Variants in DECR1 observed in about 807,000 individuals in gnomAD.
The protein encoded by DECR1 is 2,4-dienoyl-CoA reductase [(3E)-enoyl-CoA-producing], mitochondrial.
A neutral mutation model predicts 38.8 loss-of-function variants in DECR1; 44 were observed. The observed-to-expected ratio is 1.13, with a 90% CI of 0.89 to 1.46. The LOEUF is 1.46. Among genes scored for constraint, DECR1 ranks in the 40% most tolerant of loss-of-function variants. The pLI is 0.00. For missense variants in DECR1, 428 were observed against 405.5 expected, an observed-to-expected ratio of 1.06 and a Z score of -0.48; for synonymous variants, 148 against 135.2, an observed-to-expected ratio of 1.09 and a Z score of -0.66.
At chr8:90,029,832 C>T (rs773002985) in intron 5 of DECR1, among the ~76,000 whole-genome samples, 7 of 152,048 alleles carry the variant, frequency 4.6e-5, no homozygotes, top group East Asian at 1.9e-4. Flanking sequence ...TATACTAGCC[C>T]GTTTGACTGA....
intron 5 of DECR1, among the ~76,000 whole-genome samples, chr8:90,032,060 C>T (rs916317442): frequency 6.6e-6 from 1 of 151,986 alleles, no homozygotes; most frequent in African/African-American, 2.4e-5. Context: ...CAAGTAAATG[C>T]ACAGAGTTGC....
intron 8 of DECR1, among the ~76,000 whole-genome samples, chr8:90,046,898 T>G (rs146885499): frequency 0.043 from 6,501 of 152,156 alleles, 284 homozygotes; most frequent in East Asian, 0.2. Context: ...TTAAAGAAAA[T>G]AATTTTTAAC....
intron 8 of DECR1, among the ~76,000 whole-genome samples, chr8:90,047,842 C>T (rs1813952060): frequency 6.6e-6 from 1 of 152,230 alleles, no homozygotes; most frequent in Non-Finnish European, 1.5e-5. Flanking sequence ...GTCTCTCAGA[C>T]CACAGTGCAA....
At chr8:90,014,645 AAAAT>A (rs1173065220) in intron 1 of DECR1, among the ~76,000 whole-genome samples, 1 of 152,212 alleles carries the variant, frequency 6.6e-6, no homozygotes, top group Non-Finnish European at 1.5e-5. Context: ...GAAATGTTTT[AAAAT>A]AAATTTAAAA....
chr8:90,006,919 T>C (rs1812756291), intron 1 of DECR1, among the ~76,000 whole-genome samples: 1 of 152,126 alleles, frequency 6.6e-6, no homozygotes, highest in Non-Finnish European at 1.5e-5. Context: ...GCCACTCTCT[T>C]GAGTGAGGAC....
chr8:90,052,024 G>T lies in DECR1; in HGVS notation c.*127G>T, dbSNP rs1412897210. The T allele has an allele frequency of 5.1e-6, 4 of 788,078 alleles. No individual in the cohort carries two copies. The African/African-American group carries it at 7.0e-5, about 14-fold the overall frequency. The allele number at this position is 788,078 out of a possible 1,614,324, so 48.8% of individuals were successfully genotyped here. A position where few individuals can be genotyped will look rare whatever the true frequency, so the allele number is the denominator to read the frequency against. The stretch of plus-strand genomic sequence containing the variant: ...CAAACATTCATTGAATATGTATTAT[G>T]TGCCAGGCCAGTGATAGCCATTGTA... On this transcript the variant is annotated 3_prime_UTR_variant, in exon 10 of 10. Transcript: ENST00000220764.
Position 90,042,748 on chromosome 8 carries a change from G to A in DECR1, c.686G>A (p.Gly229Asp). The A allele has an allele frequency of 6.2e-7, 1 of 1,613,462 alleles. No homozygotes were observed. Among genetic ancestry groups the A allele is most frequent in the Non-Finnish European group, 8.5e-7 (1 of 1,179,568 alleles). The part of the protein sequence containing the change: ...AMSKSLAAEW[G>D]KYGMRFNVIQ... Reference sequence around the variant, plus strand: ...TTTAGGTCTCTTGCAGCTGAATGGGGTAAATATGGAATGCGATTCAATGTG... The same window carrying A: ...TTTAGGTCTCTTGCAGCTGAATGGGATAAATATGGAATGCGATTCAATGTG... Residue 229 changes from glycine (G) to aspartate (D), a missense_variant, in exon 7 of 10, where the codon GGT becomes GAT. Coordinates refer to ENST00000220764, the MANE Select transcript of DECR1 (RefSeq NM_001359.2).
intron 1 of DECR1, among the ~76,000 whole-genome samples, chr8:90,011,434 G>A (rs191615663): frequency 2.0e-5 from 3 of 152,214 alleles, no homozygotes; most frequent in African/African-American, 7.2e-5. Flanking sequence ...GCTATTTTGA[G>A]TCTCTTGCAT....
rs753114732 is a variant in DECR1, at chr8:90,036,865, C to T, written c.590C>T (p.Thr197Ile). 2.1e-5 allele frequency: 34 copies of T among 1,612,766 alleles called. No homozygotes were observed. Among genetic ancestry groups the T allele is most frequent in the Non-Finnish European group, 2.5e-5 (30 of 1,179,316 alleles). ...QKGAAFLSITTIYAETGSGFV... is the reference protein window; with the variant it reads ...QKGAAFLSITIIYAETGSGFV... ...GGAGCAGCATTTCTTTCTATTACTA[C>T]TATCTATGCTGAGACTGGTTCAGGT... Residue 197 changes from threonine (T) to isoleucine (I), a missense_variant, in exon 6 of 10, where the codon ACT (threonine) becomes ATT (isoleucine). Transcript: ENST00000220764.
chr8:90,013,399 G>GT (rs57505716), intron 1 of DECR1, among the ~76,000 whole-genome samples: 5,142 of 78,014 alleles, frequency 0.066, 133 homozygotes, highest in Admixed American at 0.1. Context: ...CTCTTCTTTC[G>GT]TTTTTTTTTT....
At chr8:90,038,100 C>T (rs375567643) in intron 6 of DECR1, among the ~76,000 whole-genome samples, 22 of 152,204 alleles carry the variant, frequency 1.4e-4, no homozygotes, top group African/African-American at 4.8e-4. Context: ...ATGCTTCGTC[C>T]TAGGGATATG....
At chr8:90,005,062 G>A (rs1179466164) in intron 1 of DECR1, among the ~76,000 whole-genome samples, 2 of 152,150 alleles carry the variant, frequency 1.3e-5, no homozygotes, top group Non-Finnish European at 2.9e-5. Context: ...ATCAGGAGTT[G>A]GAATTTGTGT....
chr8:90,034,419 T>C (rs1232714726), intron 5 of DECR1, among the ~76,000 whole-genome samples: 1 of 151,858 alleles, frequency 6.6e-6, no homozygotes, highest in East Asian at 1.9e-4. Context: ...CTTTTAAGCC[T>C]TTATTTGTTT....
At chr8:90,018,741 A>G (rs1216193992) in intron 2 of DECR1, 168 bp from the exon 3 acceptor site, 4 of 592,800 alleles carry the variant, frequency 6.7e-6, no homozygotes, top group African/African-American at 1.9e-5. Context: ...CAAATATATA[A>G]AAATGATCTA....
chr8:90,014,433 G>C (rs1322040221), intron 1 of DECR1, among the ~76,000 whole-genome samples: 3 of 152,120 alleles, frequency 2.0e-5, no homozygotes, highest in African/African-American at 7.2e-5. Context: ...TTGTCAGAGG[G>C]TAATGAGAAT....
At chr8:90,025,723 T>A (rs1347947366) in intron 5 of DECR1, among the ~76,000 whole-genome samples, 2 of 152,190 alleles carry the variant, frequency 1.3e-5, no homozygotes, top group Admixed American at 6.6e-5. Flanking sequence ...TTCTTTCTCC[T>A]GCCTGATTGC....
chr8:90,012,833 G>A (rs1367577114), intron 1 of DECR1, among the ~76,000 whole-genome samples: 1 of 152,172 alleles, frequency 6.6e-6, no homozygotes, highest in Non-Finnish European at 1.5e-5. Context: ...TTAAAGTGTT[G>A]ACAGAGATAT....
intron 5 of DECR1, among the ~76,000 whole-genome samples, chr8:90,027,347 G>A (rs1156926856): frequency 6.6e-6 from 1 of 152,116 alleles, no homozygotes; most frequent in Admixed American, 6.5e-5. Flanking sequence ...TTATTATTGT[G>A]TGGGCGTCTA....
At chr8:90,048,100 C>A (rs1386537766) in intron 8 of DECR1, among the ~76,000 whole-genome samples, 1 of 152,124 alleles carries the variant, frequency 6.6e-6, no homozygotes, top group Non-Finnish European at 1.5e-5. Flanking sequence ...CTAAAATGGG[C>A]ACCCTAACAT....
Sources: gnomAD v4.1 joint callset for allele counts (sites outside exome capture counted in the v4.1 genomes callset) on GRCh38, gnomAD v4.1.1 for gene constraint, MANE v1.5 for transcripts, NCBI Gene and HGNC (gene_info 2026-07-23, HGNC 2026-07-21) for gene names.